The following KCNC2 variants were observed in gnomAD, a reference collection of about 807,000 sequenced individuals.
The protein encoded by KCNC2 is voltage-gated potassium channel KCNC2.
KCNC2 carries 21 observed loss-of-function variants against 44.5 expected under a neutral mutation model. The ratio of observed to expected loss-of-function variants is 0.47; its 90% CI spans 0.33 to 0.68. KCNC2 has a LOEUF of 0.68. KCNC2 is among the 30% of genes least tolerant of loss of function. The pLI, the probability that KCNC2 is intolerant of heterozygous loss-of-function variation, is 0.01. For synonymous variants in KCNC2, 391 were observed against 339.1 expected, an observed-to-expected ratio of 1.15 and a Z score of -1.68; for missense variants, 589 against 826.2, an observed-to-expected ratio of 0.71 and a Z score of 3.52.
intron 2 of KCNC2, among the ~76,000 whole-genome samples, chr12:75,141,542 G>T (rs557531055): frequency 5.0e-4 from 76 of 152,240 alleles, no homozygotes; most frequent in Non-Finnish European, 9.6e-4. Context: ...CACACTGACT[G>T]CTGGCTCTTC....
intron 2 of KCNC2, among the ~76,000 whole-genome samples, chr12:75,081,691 T>C (rs1884527043): frequency 6.6e-6 from 1 of 151,984 alleles, no homozygotes; most frequent in African/African-American, 2.4e-5. Context: ...CATACTTATG[T>C]AATAATTTGA....
rs764309230 is a variant in KCNC2 at position 75,060,109 on chromosome 12, G to T, written c.688-8792C>A. Among the ~76,000 whole-genome samples the T allele has an allele frequency of 2.0e-5, 3 of 152,000 alleles. No homozygotes were observed. In the East Asian group the frequency reaches 5.8e-4, roughly 29 times the overall value. ...TTCAAGAGAACGTCAATTTACACTT[G>T]CCCAATTTGTTGATCAAATCTGCCC... On this transcript the variant is annotated intron_variant, in intron 2 of 4. Transcript: ENST00000549446.
intron 2 of KCNC2, among the ~76,000 whole-genome samples, chr12:75,189,172 C>T (rs975262220): frequency 2.0e-5 from 3 of 152,130 alleles, no homozygotes; most frequent in African/African-American, 7.2e-5. Context: ...ATCAGTCCAC[C>T]CATAATGTTT....
chr12:75,058,881 A>C (rs921015791), intron 2 of KCNC2, among the ~76,000 whole-genome samples: 2 of 152,068 alleles, frequency 1.3e-5, no homozygotes, highest in Non-Finnish European at 2.9e-5. Context: ...TTACATATTA[A>C]GTTAGAGCTG....
intron 2 of KCNC2, among the ~76,000 whole-genome samples, chr12:75,167,359 G>C (rs1891528243): frequency 6.6e-6 from 1 of 150,794 alleles, no homozygotes; most frequent in Non-Finnish European, 1.5e-5. Flanking sequence ...ATACTTCAAA[G>C]AGAAAATAGA....
chr12:75,109,961 A>G (rs1887094175), intron 2 of KCNC2, among the ~76,000 whole-genome samples: 1 of 151,764 alleles, frequency 6.6e-6, no homozygotes, highest in Admixed American at 6.6e-5. Context: ...GCAAAAATCA[A>G]TGGACAGGAA....
intron 2 of KCNC2, among the ~76,000 whole-genome samples, chr12:75,084,489 A>G (rs1278283857): frequency 1.3e-5 from 2 of 151,908 alleles, no homozygotes; most frequent in South Asian, 2.1e-4. Flanking sequence ...GTGATAGTGA[A>G]TAAGTCTCAT....
At chr12:75,182,912 G>A (rs1249127375) in intron 2 of KCNC2, among the ~76,000 whole-genome samples, 3 of 152,132 alleles carry the variant, frequency 2.0e-5, no homozygotes, top group African/African-American at 4.8e-5. Flanking sequence ...AAGAGATTGC[G>A]GGCTGTTTTA....
At chr12:75,098,906 C>T (rs987750005) in intron 2 of KCNC2, among the ~76,000 whole-genome samples, 1 of 152,262 alleles carries the variant, frequency 6.6e-6, no homozygotes, top group East Asian at 1.9e-4. Context: ...GACCTGCTGA[C>T]ATGCAGTGTG....
At chr12:75,095,177 A>G (rs1592857490) in intron 2 of KCNC2, among the ~76,000 whole-genome samples, 1 of 151,862 alleles carries the variant, frequency 6.6e-6, no homozygotes, top group East Asian at 1.9e-4. Context: ...GCTGATTATT[A>G]GTACATAAAA....
intron 2 of KCNC2, among the ~76,000 whole-genome samples, chr12:75,170,831 T>C (rs1891766440): frequency 6.6e-6 from 1 of 151,820 alleles, no homozygotes; most frequent in Admixed American, 6.6e-5. Flanking sequence ...TTAAAAGTTC[T>C]GGCACAGCAT....
rs1313998973 is a variant in KCNC2 at position 75,201,262 on chromosome 12, G to GAAAAAAAAAAAA, written c.687+6023_687+6034dup. On this transcript the variant is annotated intron_variant, in intron 2 of 4. Coordinates refer to ENST00000549446, the MANE Select transcript of KCNC2 (RefSeq NM_139137.4). ...GGGCAGAAAGTTACAAACGAAATTG[G>GAAAAAAAAAAAA]AAAAAAAAAAAAAAAAAAAAAAAAA... Among the ~76,000 whole-genome samples, 4 of 18,466 alleles carry GAAAAAAAAAAAA rather than the reference G, an allele frequency of 2.2e-4. 1 individual carries two copies. The highest frequency in any genetic ancestry group is 1.5e-3 in the Admixed American group (2 of 1,358). The allele number at this position is 18,466 out of a possible 152,430, so 12.1% of individuals were successfully genotyped here.
At chr12:75,112,352 A>T (rs989865277) in intron 2 of KCNC2, among the ~76,000 whole-genome samples, 1 of 152,030 alleles carries the variant, frequency 6.6e-6, no homozygotes, top group African/African-American at 2.4e-5. Context: ...TGAAGATTAC[A>T]TTTAGTTTCA....
At chr12:75,046,352 CT>C (rs1880509641) in intron 4 of KCNC2, among the ~76,000 whole-genome samples, 1 of 151,582 alleles carries the variant, frequency 6.6e-6, no homozygotes, top group Admixed American at 6.6e-5. Flanking sequence ...TAGATAGTGC[CT>C]TATAATTTGC....
chr12:75,086,747 T>C (rs1434290456), intron 2 of KCNC2, among the ~76,000 whole-genome samples: 1 of 148,926 alleles, frequency 6.7e-6, no homozygotes, highest in African/African-American at 2.5e-5. Context: ...GAGACATAGT[T>C]CAAGAAAATG....
At chr12:75,135,034 C>A (rs1889128285) in intron 2 of KCNC2, among the ~76,000 whole-genome samples, 1 of 151,754 alleles carries the variant, frequency 6.6e-6, no homozygotes, top group African/African-American at 2.4e-5. Flanking sequence ...TAAATAAATA[C>A]AAAATATTTT....
intron 2 of KCNC2, among the ~76,000 whole-genome samples, chr12:75,114,038 C>A (rs868843434): frequency 3.3e-5 from 5 of 151,926 alleles, no homozygotes; most frequent in African/African-American, 1.2e-4. Flanking sequence ...ATGTCATAGA[C>A]CATAGCTTCA....
At chr12:75,184,493 A>T (rs1476269422) in intron 2 of KCNC2, among the ~76,000 whole-genome samples, 2 of 151,972 alleles carry the variant, frequency 1.3e-5, no homozygotes, top group African/African-American at 4.8e-5. Context: ...TGATTTATAT[A>T]TTTTTTTCAT....
In KCNC2 at chr12:75,041,667, G is replaced by T; in HGVS notation, c.*1438C>A. 3 of 1,004,902 alleles carry T rather than the reference G, an allele frequency of 3.0e-6. No homozygotes were observed. Among genetic ancestry groups the T allele is most frequent in the African/African-American group, 1.7e-5 (1 of 57,852 alleles). The allele number at this position is 1,004,902 out of a possible 1,614,324, so 62.2% of individuals were successfully genotyped here. A position where few individuals can be genotyped will look rare whatever the true frequency, so the allele number is the denominator to read the frequency against. ...ATGACTCCCTAAGGATTTTGTTGGA[G>T]TGTAGTAATGAATGCTGGTTGCTAG... On this transcript the variant is annotated 3_prime_UTR_variant, in exon 5 of 5. Coordinates refer to ENST00000549446, the MANE Select transcript of KCNC2 (RefSeq NM_139137.4).
Sources: allele counts gnomAD v4.1 joint callset (sites outside exome capture counted in the v4.1 genomes callset), GRCh38; gene constraint gnomAD v4.1.1; transcripts MANE v1.5; gene names NCBI Gene and HGNC (gene_info 2026-07-23, HGNC 2026-07-21).